Variants in PTK2 observed in about 807,000 individuals in gnomAD.
PTK2 encodes protein tyrosine kinase 2.
In PTK2, 45 loss-of-function variants were observed where a neutral mutation model predicts 150.1. The observed-to-expected ratio is 0.30, with a 90% CI of 0.24 to 0.38. PTK2 has a LOEUF of 0.38. PTK2 is among the 10% of genes least tolerant of loss of function. The pLI is 1.00. For synonymous variants in PTK2, 432 were observed against 449.2 expected (o/e 0.96, Z 0.48); for missense variants, 919 against 1,307.3 (o/e 0.70, Z 4.58).
chr8:140,920,982 T>C (rs1191038175), intron 2 of PTK2: 19 of 1,326,364 alleles, frequency 1.4e-5, no homozygotes, highest in Middle Eastern at 1.9e-4. Context: ...TGTGATAGTA[T>C]TTGCTTCGAT....
At chr8:140,793,442 G>C in intron 12 of PTK2, 58 bp from the exon 13 acceptor site, 2 of 1,578,830 alleles carry the variant, frequency 1.3e-6, no homozygotes, top group Non-Finnish European at 1.7e-6. Context: ...TGAAAAGATG[G>C]TGCCTAGAAT....
intron 13 of PTK2, among the ~76,000 whole-genome samples, chr8:140,793,098 T>C (rs2100089477): frequency 6.6e-6 from 1 of 152,200 alleles, no homozygotes; most frequent in Admixed American, 6.5e-5. Context: ...AAGCAAATGT[T>C]TAACAACAGG....
intron 26 of PTK2, chr8:140,687,055 T>C (rs2100020350): frequency 4.4e-6 from 1 of 229,414 alleles, no homozygotes; most frequent in Non-Finnish European, 8.5e-6. Context: ...TGACAGAATA[T>C]GGCTTATACG....
chr8:140,706,167 T>C (rs2100033644), exon 24 of PTK2: 1 of 1,613,588 alleles, frequency 6.2e-7, no homozygotes, highest in African/African-American at 1.3e-5. Context: ...GATAAAATCC[T>C]TCGCTGGACC....
At chr8:140,828,282 A>T (rs1464014107) in intron 8 of PTK2, among the ~76,000 whole-genome samples, 3 of 152,060 alleles carry the variant, frequency 2.0e-5, no homozygotes, top group Non-Finnish European at 4.4e-5. Flanking sequence ...AGAGTAGGAG[A>T]GGGAACATTG....
intron 27 of PTK2, among the ~76,000 whole-genome samples, chr8:140,681,763 C>G (rs1281330200): frequency 6.6e-6 from 1 of 152,012 alleles, no homozygotes; most frequent in Admixed American, 6.6e-5. Flanking sequence ...GGCCACAGAG[C>G]GAGACTCCGT....
At chr8:141,000,282 G>A (rs572962754) in intron 1 of PTK2, among the ~76,000 whole-genome samples, 7 of 152,346 alleles carry the variant, frequency 4.6e-5, no homozygotes, top group Middle Eastern at 3.4e-3. Flanking sequence ...GAGGACTTCA[G>A]TGAGGGCTCC....
chr8:140,845,155 G>T (rs1339960360), intron 7 of PTK2, among the ~76,000 whole-genome samples: 3 of 151,966 alleles, frequency 2.0e-5, no homozygotes, highest in South Asian at 2.1e-4. Flanking sequence ...CTTCTTTAAT[G>T]AAATTCTAAT....
chr8:140,935,463 CCATCAACTGTAGA>C (rs2100173280), intron 1 of PTK2, among the ~76,000 whole-genome samples: 2 of 152,006 alleles, frequency 1.3e-5, no homozygotes, highest in African/African-American at 2.4e-5. Flanking sequence ...GCCTCAGGAC[CCATCAACTGTAGA>C]CAGGTCCTCC....
chr8:140,816,223 A>G (rs192166957), intron 10 of PTK2, among the ~76,000 whole-genome samples: 45 of 152,298 alleles, frequency 3.0e-4, no homozygotes, highest in Non-Finnish European at 5.7e-4. Context: ...AAACCCCAAA[A>G]AGTCATTCAA....
At chr8:140,767,540 C>T (rs978397049) in intron 14 of PTK2, among the ~76,000 whole-genome samples, 6 of 151,970 alleles carry the variant, frequency 3.9e-5, no homozygotes, top group Non-Finnish European at 8.8e-5. Context: ...GGGTGGAGTA[C>T]AGTGGTGCAA....
At chr8:140,923,556 T>A (rs2100168328) in intron 2 of PTK2, among the ~76,000 whole-genome samples, 1 of 152,214 alleles carries the variant, frequency 6.6e-6, no homozygotes, top group Non-Finnish European at 1.5e-5. Flanking sequence ...AACTATGCTT[T>A]TAAATTCCTA....
At chr8:140,998,212 T>C (rs893825533) in intron 1 of PTK2, among the ~76,000 whole-genome samples, 6 of 152,230 alleles carry the variant, frequency 3.9e-5, no homozygotes, top group Non-Finnish European at 7.3e-5. Context: ...GGTCTAAATC[T>C]ACATCAGTTT....
chr8:140,705,353 G>A (rs1482590046), intron 24 of PTK2, among the ~76,000 whole-genome samples: 1 of 152,020 alleles, frequency 6.6e-6, no homozygotes, highest in East Asian at 1.9e-4. Context: ...CAGACATTAC[G>A]AGTAAAAAAA....
chr8:140,872,827 A>G (rs2154606855), intron 4 of PTK2, among the ~76,000 whole-genome samples: 1 of 152,330 alleles, frequency 6.6e-6, no homozygotes. Flanking sequence ...GCTGTATGTC[A>G]TATTCCAGGA....
At chr8:140,778,316 A>G (rs977757827) in intron 14 of PTK2, among the ~76,000 whole-genome samples, 13 of 152,198 alleles carry the variant, frequency 8.5e-5, no homozygotes, top group African/African-American at 2.2e-4. Flanking sequence ...TACAAAAATT[A>G]GCCAGGCATC....
chr8:140,803,704 A>G (rs2100096645), intron 10 of PTK2, 54 bp from the exon 11 acceptor site: 7 of 1,456,472 alleles, frequency 4.8e-6, no homozygotes, highest in Non-Finnish European at 5.8e-6. Flanking sequence ...CTCATTTCAC[A>G]GAGTCTGTAA....
At chr8:140,994,689 G>A (rs1392798367) in intron 1 of PTK2, among the ~76,000 whole-genome samples, 1 of 152,072 alleles carries the variant, frequency 6.6e-6, no homozygotes, top group Non-Finnish European at 1.5e-5. Context: ...ACCATGACCT[G>A]TACCCACATG....
intron 2 of PTK2, among the ~76,000 whole-genome samples, chr8:140,896,978 C>T (rs1168159083): frequency 2.6e-5 from 4 of 152,146 alleles, no homozygotes; most frequent in African/African-American, 9.7e-5. Flanking sequence ...AACAACTATA[C>T]TTCTGATCAT....
Sources: gnomAD v4.1 joint callset for allele counts (sites outside exome capture counted in the v4.1 genomes callset) on GRCh38, gnomAD v4.1.1 for gene constraint, MANE v1.5 for transcripts, NCBI Gene and HGNC (gene_info 2026-07-23, HGNC 2026-07-21) for gene names.